The following DLGAP2 variants were observed in gnomAD, a reference collection of about 807,000 sequenced individuals.
DLGAP2 encodes the protein disks large-associated protein 2.
In DLGAP2, 26 loss-of-function variants were observed where a neutral mutation model predicts 100.3. That is an observed-to-expected ratio of 0.26 (90% confidence interval 0.19 to 0.36). The LOEUF is 0.36. Ranked by LOEUF, DLGAP2 falls within the 10% of genes least tolerant of loss-of-function variation. The pLI is 1.00. For synonymous variants in DLGAP2, 886 were observed against 630.1 expected, an observed-to-expected ratio of 1.41 and a Z score of -6.08; for missense variants, 1,858 against 1,453.2, an observed-to-expected ratio of 1.28 and a Z score of -4.53.
chr8:880,507 G>A (rs55738358), intron 1 of DLGAP2, among the ~76,000 whole-genome samples: 30,364 of 137,686 alleles, frequency 0.22, 1,483 homozygotes, highest in Non-Finnish European at 0.27. Flanking sequence ...TAGGTGGGTC[G>A]GGGTGACCGT....
chr8:1,392,667 G>T (rs1241153359), intron 3 of DLGAP2, among the ~76,000 whole-genome samples: 1 of 152,234 alleles, frequency 6.6e-6, no homozygotes, highest in East Asian at 1.9e-4. Flanking sequence ...GGGCCTCCAT[G>T]CATCTCTGGG....
intron 2 of DLGAP2, among the ~76,000 whole-genome samples, chr8:1,197,792 A>T (rs1563247505): frequency 6.6e-6 from 1 of 152,226 alleles, no homozygotes; most frequent in African/African-American, 2.4e-5. Context: ...CATGAACCGC[A>T]CTACCTTTTT....
chr8:901,354 A>C (rs1004754719), intron 1 of DLGAP2, among the ~76,000 whole-genome samples: 2 of 152,170 alleles, frequency 1.3e-5, no homozygotes, highest in African/African-American at 4.8e-5. Flanking sequence ...AAATCCATCT[A>C]TTTCTCTATT....
At chr8:877,574 G>A (rs1198281918) in intron 1 of DLGAP2, among the ~76,000 whole-genome samples, 1 of 152,228 alleles carries the variant, frequency 6.6e-6, no homozygotes, top group African/African-American at 2.4e-5. Flanking sequence ...TCAAATTGTG[G>A]CTTCTTTGAA....
At chr8:1,596,816 T>C (rs1312849268) in intron 6 of DLGAP2, among the ~76,000 whole-genome samples, 3 of 152,138 alleles carry the variant, frequency 2.0e-5, no homozygotes, top group African/African-American at 4.8e-5. Flanking sequence ...TTTTCTCCCA[T>C]TCTGTAGGTT....
chr8:1,489,398 G>C (rs558649830), intron 3 of DLGAP2, among the ~76,000 whole-genome samples: 1 of 152,160 alleles, frequency 6.6e-6, no homozygotes, highest in Non-Finnish European at 1.5e-5. Context: ...GATCGCAGTG[G>C]TGCCATTATC....
chr8:759,322 C>A (rs555624789), intron 1 of DLGAP2, among the ~76,000 whole-genome samples: 83 of 151,626 alleles, frequency 5.5e-4, no homozygotes, highest in Non-Finnish European at 1.1e-3. Flanking sequence ...TCAATACTGC[C>A]TGAGTGGTGT....
chr8:1,091,976 G>A (rs1024388813), intron 2 of DLGAP2, among the ~76,000 whole-genome samples: 16 of 152,082 alleles, frequency 1.1e-4, no homozygotes, highest in East Asian at 5.8e-4. Context: ...TCTGCCCCAC[G>A]TTTTATTTTC....
rs1435267279 is a variant in DLGAP2, at chr8:1,053,538, A to C, written c.73+145572A>C. Among the ~76,000 whole-genome samples, 3 of 152,168 alleles carry C rather than the reference A, an allele frequency of 2.0e-5. No homozygotes were observed. In the East Asian group the frequency reaches 5.8e-4, roughly 29 times the overall value. ...CCTGGGAAGTGAAATGTGTGCATGC[A>C]GCTGAAGAAGAGACAGACGCGTGAG... On this transcript the variant is annotated intron_variant, in intron 2 of 14. Transcript: ENST00000637795.
At chr8:1,217,208 G>C (rs537993612) in intron 2 of DLGAP2, among the ~76,000 whole-genome samples, 2 of 152,290 alleles carry the variant, frequency 1.3e-5, no homozygotes, top group African/African-American at 4.8e-5. Context: ...AGAACATGGA[G>C]TATTTAGTTT....
In DLGAP2 at chr8:1,549,671, C is replaced by G. The variant is rs759682239; in HGVS notation, c.1218C>G (p.Cys406Trp). 6.5e-7 allele frequency: 1 copy of G among 1,549,880 alleles called. No individual in the cohort carries two copies. The highest frequency in any genetic ancestry group is 1.4e-5 in the African/African-American group (1 of 73,434). The change falls in exon 5 of 15, where the codon TGC becomes TGG. Residue 406 changes from cysteine to tryptophan, a missense_variant. By Grantham distance (215) the Cys-to-Trp change is radical. Coordinates refer to ENST00000637795, the MANE Select transcript of DLGAP2 (RefSeq NM_001346810.2). ...HQDAKPALRPCHYLQVPQDEW... is the reference protein window; with the variant it reads ...HQDAKPALRPWHYLQVPQDEW... The stretch of plus-strand genomic sequence containing the variant: ...ACGCCAAGCCCGCCCTGAGGCCGTG[C>G]CACTACCTCCAGGTAAGCAGGCTCA...
At chr8:1,163,895 A>G (rs1442428820) in intron 2 of DLGAP2, among the ~76,000 whole-genome samples, 1 of 152,130 alleles carries the variant, frequency 6.6e-6, no homozygotes, top group African/African-American at 2.4e-5. Flanking sequence ...GGCTCCCTTC[A>G]GGAGAGAAAG....
chr8:960,465 C>A (rs1359182643), intron 2 of DLGAP2, among the ~76,000 whole-genome samples: 1 of 151,830 alleles, frequency 6.6e-6, no homozygotes, highest in African/African-American at 2.4e-5. Flanking sequence ...CTCCTCCTGA[C>A]CACAGGCAAT....
At chr8:1,220,543 T>C (rs935576618) in intron 2 of DLGAP2, among the ~76,000 whole-genome samples, 1 of 152,194 alleles carries the variant, frequency 6.6e-6, no homozygotes, top group South Asian at 2.1e-4. Context: ...AATCTTGGAA[T>C]ATGTGCCGTG....
intron 2 of DLGAP2, among the ~76,000 whole-genome samples, chr8:1,131,842 C>T (rs980219882): frequency 6.6e-6 from 1 of 152,276 alleles, no homozygotes; most frequent in East Asian, 1.9e-4. Context: ...ATTTTTTCCT[C>T]CTTGGAAATG....
intron 4 of DLGAP2, among the ~76,000 whole-genome samples, chr8:1,544,980 C>A (rs539688993): frequency 6.6e-6 from 1 of 152,168 alleles, no homozygotes; most frequent in Non-Finnish European, 1.5e-5. Context: ...ATTCACCCAT[C>A]TCAGCCGCCC....
At chr8:1,091,224 G>A (rs1018208466) in intron 2 of DLGAP2, among the ~76,000 whole-genome samples, 26 of 152,218 alleles carry the variant, frequency 1.7e-4, no homozygotes, top group African/African-American at 6.3e-4. Context: ...GAAGCACCCG[G>A]TCAGTCCCAC....
At chr8:1,121,055 G>A (rs973535831) in intron 2 of DLGAP2, among the ~76,000 whole-genome samples, 1 of 149,292 alleles carries the variant, frequency 6.7e-6, no homozygotes, top group East Asian at 2.0e-4. Context: ...CAGAACCCAT[G>A]ACCTCCCATC....
intron 2 of DLGAP2, among the ~76,000 whole-genome samples, chr8:1,023,591 A>G (rs1300807299): frequency 6.6e-6 from 1 of 151,046 alleles, no homozygotes; most frequent in Non-Finnish European, 1.5e-5. Context: ...TCAGCGCAAC[A>G]GTGTCGGCAG....
Sources: gnomAD v4.1 joint callset for allele counts (sites outside exome capture counted in the v4.1 genomes callset) on GRCh38, gnomAD v4.1.1 for gene constraint, MANE v1.5 for transcripts, NCBI Gene and HGNC (gene_info 2026-07-23, HGNC 2026-07-21) for gene names.